MCF2L2: variants seen among roughly 807,000 people sequenced by gnomAD.
The protein encoded by MCF2L2 is probable guanine nucleotide exchange factor MCF2L2.
Under a neutral mutation model 150.2 loss-of-function variants are expected in MCF2L2, and 102 were observed. The observed-to-expected ratio is 0.68, with a 90% confidence interval of 0.58 to 0.80. The LOEUF is 0.80. MCF2L2 is among the 30% of genes least tolerant of loss of function. The pLI is 0.00. For missense variants in MCF2L2, 1,256 were observed against 1,372.8 expected (o/e 0.91, Z 1.34); for synonymous variants, 465 against 491.3 (o/e 0.95, Z 0.71).
intron 15 of MCF2L2, among the ~76,000 whole-genome samples, chr3:183,246,200 T>A (rs1449839957): frequency 6.6e-6 from 1 of 152,230 alleles, no homozygotes; most frequent in Non-Finnish European, 1.5e-5. Context: ...AAGATATGCA[T>A]AAAATTTACT....
Position 183,179,321 on chromosome 3 carries a change from C to T in MCF2L2, c.*59G>A, listed in dbSNP as rs944942714. 7.2e-6 allele frequency: 10 copies of T among 1,384,220 alleles called. No individual in the cohort carries two copies. The highest frequency in any genetic ancestry group is 8.4e-6 in the Non-Finnish European group (9 of 1,073,436). 85.7% of individuals were successfully genotyped at this position (1,384,220 alleles called of 1,614,324 possible). On this transcript the variant is annotated 3_prime_UTR_variant, in exon 30 of 30. Transcript: ENST00000328913. This position sits in a 1 kb window ranked among gnomAD's most constrained non-coding sequence, Gnocchi z 4.2. ...CTGGGCAGGGCCCGGGCCCCCACAC[C>T]GCCTCTCCCGGGAATGCGGGCGCTC... is the stretch of plus-strand genomic sequence containing the variant.
chr3:183,215,565 C>A (rs1722882537), intron 22 of MCF2L2, among the ~76,000 whole-genome samples: 1 of 152,104 alleles, frequency 6.6e-6, no homozygotes, highest in South Asian at 2.1e-4. Flanking sequence ...AAAATTGGGG[C>A]AAGAATATAG....
intron 1 of MCF2L2, among the ~76,000 whole-genome samples, chr3:183,417,145 A>T (rs971916471): frequency 1.5e-5 from 2 of 136,000 alleles, no homozygotes; most frequent in African/African-American, 5.7e-5. Context: ...AAAAAAAAAA[A>T]TGGTAATTTA....
At chr3:183,390,680 T>A (rs1714090732) in intron 1 of MCF2L2, among the ~76,000 whole-genome samples, 1 of 152,184 alleles carries the variant, frequency 6.6e-6, no homozygotes, top group African/African-American at 2.4e-5. Context: ...AAGGACTATT[T>A]GAGGCCAGAA....
At position 183,326,655 on chromosome 3, in the gene MCF2L2, C is replaced by T. The variant is rs552731925; in HGVS notation, c.487-3304G>A. On this transcript the variant is annotated intron_variant, in intron 5 of 29. Coordinates refer to ENST00000328913, the MANE Select transcript of MCF2L2 (RefSeq NM_015078.4). ...AGGCACCTTTCACCACCAATGGTTA[C>T]ATCTTACATAATTACAGTACAATAT... Among the ~76,000 whole-genome samples, 18 of 152,238 alleles carry T rather than the reference C, an allele frequency of 1.2e-4. No homozygotes were observed. In the South Asian group the frequency reaches 3.7e-3, roughly 32 times the overall value.
rs200280939 is a variant in MCF2L2, at chr3:183,276,875, C to T, written c.1859G>A (p.Arg620His). 3.2e-5 allele frequency: 51 copies of T among 1,606,424 alleles called. No homozygotes were observed. The East Asian group carries it at 8.5e-4, about 27-fold the overall frequency. The change falls in exon 15 of 30, where the codon CGC becomes CAC. Residue 620 changes from arginine (R) to histidine (H), a missense_variant. Coordinates refer to ENST00000328913, the MANE Select transcript of MCF2L2 (RefSeq NM_015078.4). ...QQARLGDLSP[R>H]RRIIRDLLET... ...ACCCACGGATGTGCAGTCTTACCTG[C>T]GGGGGGAAAGGTCTCCGAGCCTGGC...
intron 25 of MCF2L2, among the ~76,000 whole-genome samples, chr3:183,195,873 G>A (rs1022376477): frequency 6.6e-6 from 1 of 152,184 alleles, no homozygotes; most frequent in Non-Finnish European, 1.5e-5. Context: ...GATTTTCAAG[G>A]TTCCTGGGCC....
intron 3 of MCF2L2, among the ~76,000 whole-genome samples, chr3:183,344,811 G>C (rs1730836615): frequency 6.6e-6 from 1 of 152,044 alleles, no homozygotes; most frequent in African/African-American, 2.4e-5. Flanking sequence ...AAACAACACA[G>C]ATCAAAAAAG....
At position 183,291,991 on chromosome 3, in the gene MCF2L2, A is replaced by G. The variant is rs554785344; in HGVS notation, c.1676-2771T>C. 4.6e-5 allele frequency among the ~76,000 whole-genome samples: 7 copies of G among 152,288 alleles called. 1 individual carries two copies. The highest frequency in any genetic ancestry group is 1.7e-4 in the African/African-American group (7 of 41,564). On this transcript the variant is annotated intron_variant, in intron 13 of 29. Transcript: ENST00000328913. ...GACAGACGAAAGGTCAAGAGAACCA[A>G]GTTCTGTTTCCAATCATCTAAGAAG...
intron 1 of MCF2L2, among the ~76,000 whole-genome samples, chr3:183,419,229 A>G (rs61506618): frequency 0.022 from 3,324 of 152,284 alleles, 147 homozygotes; most frequent in African/African-American, 0.075. Context: ...ACCATGTCAC[A>G]AGGCTACACA....
At chr3:183,278,370 G>A (rs557465044) in intron 14 of MCF2L2, among the ~76,000 whole-genome samples, 5 of 152,018 alleles carry the variant, frequency 3.3e-5, no homozygotes, top group African/African-American at 7.2e-5. Flanking sequence ...GTGTGTGTGT[G>A]TGTACATAAA....
At chr3:183,365,586 G>T (rs1003762563) in intron 3 of MCF2L2, among the ~76,000 whole-genome samples, 1 of 152,162 alleles carries the variant, frequency 6.6e-6, no homozygotes, top group Non-Finnish European at 1.5e-5. Context: ...GATAAACTTG[G>T]ATCTATACTT....
At chr3:183,400,554 CA>C (rs775921163) in intron 1 of MCF2L2, 36 of 444,086 alleles carry the variant, frequency 8.1e-5, no homozygotes, top group Non-Finnish European at 1.6e-4. Context: ...ACTGCACTCA[CA>C]CAGAAATGTT....
In MCF2L2 at chr3:183,297,023, T is replaced by C. The variant is rs1392140886; in HGVS notation, c.1450A>G (p.Lys484Glu). The change falls in exon 12 of 30, where the codon AAG becomes GAG. Residue 484 changes from lysine to glutamate, a missense_variant. Physicochemically the swap from Lys to Glu is moderately conservative, Grantham distance 56. Transcript: ENST00000328913. ...AACTCAAACTCGTTGTAAAACTCCT[T>C]GGGGCTGAGCAACGGGTACTCCTTG... is the stretch of plus-strand genomic sequence containing the variant. ...TVKEYPLLSP[K>E]EFYNEFELLL... 1.2e-6 allele frequency: 2 copies of C among 1,614,056 alleles called. No individual in the cohort carries two copies. The highest frequency in any genetic ancestry group is 1.1e-5 in the South Asian group (1 of 91,066).
chr3:183,269,744 A>G, intron 15 of MCF2L2: 1 of 1,496,270 alleles, frequency 6.7e-7, no homozygotes, highest in Non-Finnish European at 9.0e-7. Flanking sequence ...TATGGTCTCG[A>G]AGAAGCCCGT....
intron 19 of MCF2L2, among the ~76,000 whole-genome samples, chr3:183,223,799 C>A (rs1014128817): frequency 2.0e-5 from 3 of 152,156 alleles, no homozygotes; most frequent in African/African-American, 7.2e-5. Context: ...CTTTTGGAGC[C>A]TGAAGGATAC....
chr3:183,299,893 A>G lies in MCF2L2; in HGVS notation c.1305+112T>C, dbSNP rs1337555855. 5.1e-6 allele frequency: 6 copies of G among 1,174,204 alleles called. No homozygotes were observed. In the Admixed American group the frequency reaches 1.2e-4, roughly 23 times the overall value. The allele number at this position is 1,174,204 out of a possible 1,614,324, so 72.7% of individuals were successfully genotyped here. On this transcript the variant is annotated intron_variant, in intron 11 of 29. Transcript: ENST00000328913. ...TAATGCCTCTCGAACATCTTTTCACATAAAGCACTCAAGCCTCTCAGCAAT... is the reference window on the plus strand; with the variant it reads ...TAATGCCTCTCGAACATCTTTTCACGTAAAGCACTCAAGCCTCTCAGCAAT...
intron 16 of MCF2L2, 136 bp from the exon 17 acceptor site, chr3:183,229,917 T>C (rs1310817469): frequency 1.3e-5 from 6 of 451,918 alleles, no homozygotes; most frequent in African/African-American, 6.0e-5. Context: ...AGCTATCGTA[T>C]TGAGTACTTT....
chr3:183,308,914 C>T (rs887206436), intron 10 of MCF2L2, among the ~76,000 whole-genome samples: 4 of 152,104 alleles, frequency 2.6e-5, no homozygotes, highest in African/African-American at 9.7e-5. Context: ...AGAAAGGAAG[C>T]GCTAACCACA....
Sources: allele counts gnomAD v4.1 joint callset (sites outside exome capture counted in the v4.1 genomes callset), GRCh38; gene constraint gnomAD v4.1.1; non-coding constraint Gnocchi (gnomAD v3.1); transcripts MANE v1.5; gene names NCBI Gene and HGNC (gene_info 2026-07-23, HGNC 2026-07-21).